SMURF2: variants seen among roughly 807,000 people sequenced by gnomAD.
SMURF2 encodes E3 ubiquitin-protein ligase SMURF2.
SMURF2 carries 48 observed loss-of-function variants against 109.6 expected under a neutral mutation model. That is an observed-to-expected ratio of 0.44 (90% CI 0.35 to 0.56). The LOEUF (loss-of-function observed/expected upper bound fraction) is 0.56, where lower values mean the gene tolerates loss of function less well. SMURF2 is among the 20% of genes least tolerant of loss of function. The pLI is 0.01. For missense variants in SMURF2, 575 were observed against 909.0 expected (o/e 0.63, Z 4.72); for synonymous variants, 288 against 317.1 (o/e 0.91, Z 0.97).
chr17:64,566,561 G>GATTTTTTTTTTTTTTTTT (rs1969305621), intron 10 of SMURF2, among the ~76,000 whole-genome samples: 1 of 43,784 alleles, frequency 2.3e-5, no homozygotes, highest in Non-Finnish European at 4.2e-5. Flanking sequence ...AAGCTTTCTG[G>GATTTTTTTTTTTTTTTTT]TTTTTTTTTT....
chr17:64,624,700 T>G (rs1970246120), intron 1 of SMURF2, among the ~76,000 whole-genome samples: 1 of 151,796 alleles, frequency 6.6e-6, no homozygotes, highest in Non-Finnish European at 1.5e-5. Context: ...GGCAAATGCC[T>G]GTAGTCCCAG....
In SMURF2 at chr17:64,583,474, C is replaced by G. The variant is rs1376692499; in HGVS notation, c.556G>C (p.Glu186Gln). 1 of 1,613,448 alleles carries G rather than the reference C, an allele frequency of 6.2e-7. No individual in the cohort carries two copies. Among genetic ancestry groups the G allele is most frequent in the African/African-American group, 1.3e-5 (1 of 74,894 alleles). The change falls in exon 7 of 19, where the codon GAG (glutamate) becomes CAG (glutamine). Residue 186 changes from glutamate (E) to glutamine (Q), a missense_variant. Physicochemically the swap from Glu to Gln is conservative, Grantham distance 29. This residue lies in a region of SMURF2 where 151 missense variants were observed against 178.4 expected (regional missense o/e 0.85). Transcript: ENST00000262435. ...GTATGTTCTTACCGTGTTGGGCGCT[C>G]CCATTGCGTAGTTCTTGTTATATGG... ...LNHITRTTQW[E>Q]RPTRPASEYS...
intron 1 of SMURF2, among the ~76,000 whole-genome samples, chr17:64,609,900 A>C (rs1234841161): frequency 6.6e-6 from 1 of 150,514 alleles, no homozygotes; most frequent in Non-Finnish European, 1.5e-5. Context: ...ATCTACAAAG[A>C]ATTTAAATTT....
intron 1 of SMURF2, among the ~76,000 whole-genome samples, chr17:64,641,228 C>T (rs925139856): frequency 2.6e-5 from 4 of 151,804 alleles, no homozygotes; most frequent in African/African-American, 9.7e-5. Context: ...AATTTTTATG[C>T]CATTTGTTAA....
chr17:64,646,271 G>A (rs148920014), intron 1 of SMURF2, among the ~76,000 whole-genome samples: 357 of 151,654 alleles, frequency 2.4e-3, no homozygotes, highest in South Asian at 2.1e-3. Flanking sequence ...TCACCACATT[G>A]GCCAGGCTGG....
intron 1 of SMURF2, among the ~76,000 whole-genome samples, chr17:64,646,114 T>C (rs1156857338): frequency 2.0e-5 from 3 of 151,896 alleles, no homozygotes; most frequent in African/African-American, 7.3e-5. Flanking sequence ...TTGCCTAGGC[T>C]GGAGTGCAGT....
chr17:64,610,270 G>T (rs1335461794), intron 1 of SMURF2, among the ~76,000 whole-genome samples: 13 of 152,162 alleles, frequency 8.5e-5, no homozygotes, highest in Non-Finnish European at 1.0e-4. Context: ...TATACCCAAA[G>T]GATTATAAAT....
chr17:64,545,740 G>GAC lies in SMURF2; in HGVS notation c.*107_*108insGT. On this transcript the variant is annotated 3_prime_UTR_variant, in exon 19 of 19. Transcript: ENST00000262435. ...GTAAAAAAAAAAAAAAAAAGGGGGG[G>GAC]GGGGGGAGTGTTTTCCTGTATTTCA... 2.7e-6 allele frequency: 1 copy of GAC among 374,246 alleles called. No homozygotes were observed. The highest frequency in any genetic ancestry group is 4.8e-6 in the Non-Finnish European group (1 of 208,662). The allele number at this position is 374,246 out of a possible 1,614,324, so 23.2% of individuals were successfully genotyped here.
intron 10 of SMURF2, among the ~76,000 whole-genome samples, chr17:64,567,391 CAACA>C (rs145843050): frequency 0.072 from 11,001 of 152,108 alleles, 1,352 homozygotes; most frequent in African/African-American, 0.25. Flanking sequence ...TCATTTACTC[CAACA>C]AACAGAAAAG....
chr17:64,575,249 G>A (rs781835927), intron 9 of SMURF2, among the ~76,000 whole-genome samples: 2 of 151,842 alleles, frequency 1.3e-5, no homozygotes, highest in Non-Finnish European at 2.9e-5. Context: ...CACCTCCCAG[G>A]TTCAAGCAAT....
At chr17:64,596,823 G>A (rs1406195115) in intron 3 of SMURF2, among the ~76,000 whole-genome samples, 2 of 152,104 alleles carry the variant, frequency 1.3e-5, no homozygotes, top group Non-Finnish European at 2.9e-5. Context: ...AGTTCTATAG[G>A]AGAGTCTGAG....
At chr17:64,595,321 C>T (rs1457835822) in intron 3 of SMURF2, among the ~76,000 whole-genome samples, 1 of 152,142 alleles carries the variant, frequency 6.6e-6, no homozygotes, top group Non-Finnish European at 1.5e-5. Context: ...TATTCCTGGG[C>T]CAGAAATGAA....
At chr17:64,553,922 T>A (rs1309265707) in intron 15 of SMURF2, among the ~76,000 whole-genome samples, 1 of 152,202 alleles carries the variant, frequency 6.6e-6, no homozygotes, top group Non-Finnish European at 1.5e-5. Context: ...AGAAAGTATA[T>A]CATGCAAGTT....
Position 64,605,012 on chromosome 17 carries a change from CT to C in SMURF2, c.91+1589del, listed in dbSNP as rs782365018. Among the ~76,000 whole-genome samples the C allele has an allele frequency of 1.4e-4, 21 of 151,904 alleles. No individual in the cohort carries two copies. The East Asian group carries it at 3.3e-3, about 24-fold the overall frequency. On this transcript the variant is annotated intron_variant, in intron 2 of 18. Coordinates refer to ENST00000262435, the MANE Select transcript of SMURF2 (RefSeq NM_022739.4). ...TCTCCTTGTCCAACCCTATTTGCCA[CT>C]TTGCAAGCCCACTAGTATAAATCCT...
Position 64,561,601 on chromosome 17 carries a change from T to C in SMURF2, c.1215A>G (p.Glu405=), listed in dbSNP as rs1969220541. The C allele has an allele frequency of 2.5e-6, 4 of 1,608,588 alleles. No individual in the cohort carries two copies. The African/African-American group carries it at 5.4e-5, about 22-fold the overall frequency. The change falls in exon 12 of 19, where the codon GAA becomes GAG. Residue 405 remains glutamate (E), a splice_region_variant and synonymous_variant. Transcript: ENST00000262435. The part of the protein sequence containing the change: ...IEVSREEIFE[E]SYRQVMKMRP... ...TCATTTTCATGACCTGTCGATATGA[T>C]TCCTGAAAAAAATAATTTTTAATAC...
rs9907623 is a variant in SMURF2, at chr17:64,661,987, T to G, written c.-107A>C. On this transcript the variant is annotated 5_prime_UTR_variant, in exon 1 of 19. Transcript: ENST00000262435. Reference sequence around the variant, plus strand: ...GGCTGGGGCCCGAGCAGCCGGCGCCTCGGCCGCCACGGCCGGAGGGTCCCG... The same window carrying G: ...GGCTGGGGCCCGAGCAGCCGGCGCCGCGGCCGCCACGGCCGGAGGGTCCCG... The G allele has an allele frequency of 0.02, 22,598 of 1,104,808 alleles. 1,639 individuals are homozygous for G. The African/African-American group carries it at 0.23, about 11-fold the overall frequency. 68.4% of individuals were successfully genotyped at this position (1,104,808 alleles called of 1,614,324 possible). A position where few individuals can be genotyped will look rare whatever the true frequency, so the allele number is the denominator to read the frequency against.
At chr17:64,645,576 A>G (rs1970548146) in intron 1 of SMURF2, among the ~76,000 whole-genome samples, 2 of 152,210 alleles carry the variant, frequency 1.3e-5, no homozygotes, top group Admixed American at 6.5e-5. Context: ...AAAAATAATT[A>G]AGAAAAATAG....
intron 1 of SMURF2, among the ~76,000 whole-genome samples, chr17:64,622,986 T>A (rs1218785696): frequency 2.6e-5 from 4 of 152,194 alleles, no homozygotes; most frequent in Non-Finnish European, 4.4e-5. Context: ...CAATACTACT[T>A]TATTTTATTG....
intron 5 of SMURF2, 38 bp from the exon 6 acceptor site, chr17:64,586,208 C>A: frequency 1.5e-6 from 2 of 1,319,406 alleles, no homozygotes; most frequent in South Asian, 2.6e-5. Context: ...ATTCATACAA[C>A]TAGAAAGAAC....
Sources: allele counts gnomAD v4.1 joint callset (sites outside exome capture counted in the v4.1 genomes callset), GRCh38; gene constraint gnomAD v4.1.1; regional missense constraint gnomAD v4.1.1; transcripts MANE v1.5; gene names NCBI Gene and HGNC (gene_info 2026-07-23, HGNC 2026-07-21).